The following HS2ST1 variants were observed in gnomAD, a reference collection of about 807,000 sequenced individuals.
HS2ST1 encodes 2-O-sulfotransferase.
In HS2ST1, 18 loss-of-function variants were observed where a neutral mutation model predicts 42.9. The observed-to-expected ratio is 0.42, with a 90% CI of 0.29 to 0.62. HS2ST1 has a LOEUF of 0.62. Ranked by LOEUF, HS2ST1 falls within the 20% of genes least tolerant of loss-of-function variation. HS2ST1 has a pLI of 0.21. For missense variants in HS2ST1, 334 were observed against 433.8 expected (o/e 0.77, Z 2.04); for synonymous variants, 146 against 152.9 (o/e 0.95, Z 0.33).
At chr1:87,062,471 CCTCA>C (rs1402124321) in intron 1 of HS2ST1, among the ~76,000 whole-genome samples, 4 of 152,046 alleles carry the variant, frequency 2.6e-5, no homozygotes, top group Admixed American at 2.6e-4. Context: ...TTTTATTCTC[CCTCA>C]CTTACAATGT....
chr1:87,066,879 T>C (rs1026148149), intron 1 of HS2ST1, among the ~76,000 whole-genome samples: 1 of 152,200 alleles, frequency 6.6e-6, no homozygotes, highest in Non-Finnish European at 1.5e-5. Context: ...GCTTTATCCA[T>C]GTCCCTGCAA....
intron 1 of HS2ST1, among the ~76,000 whole-genome samples, chr1:87,056,426 A>G (rs1489811435): frequency 6.6e-6 from 1 of 152,210 alleles, no homozygotes; most frequent in Non-Finnish European, 1.5e-5. Flanking sequence ...GATTAAGACA[A>G]GTTGCAAGCT....
intron 1 of HS2ST1, among the ~76,000 whole-genome samples, chr1:87,070,501 G>A (rs1328232356): frequency 6.6e-6 from 1 of 152,080 alleles, no homozygotes; most frequent in Non-Finnish European, 1.5e-5. Context: ...TGATGTGGGA[G>A]GATAACCTAA....
chr1:87,108,841 A>ATG lies in HS2ST1; in HGVS notation c.*4148_*4149dup, dbSNP rs1652395603. ...TGTAGCTTTCTATTGAGAGTCAGGT[A>ATG]TGTGAGCATCTCTGAAGCAGTGTTG... On this transcript the variant is annotated 3_prime_UTR_variant, in exon 7 of 7. Coordinates refer to ENST00000370550, the MANE Select transcript of HS2ST1 (RefSeq NM_012262.4). The ATG allele has an allele frequency of 6.6e-6, 1 of 152,538 alleles. No homozygotes were observed. The highest frequency in any genetic ancestry group is 2.1e-4 in the South Asian group (1 of 4,830). 9.4% of individuals were successfully genotyped at this position (152,538 alleles called of 1,614,324 possible).
chr1:86,986,381 A>G (rs1648786010), intron 1 of HS2ST1, among the ~76,000 whole-genome samples: 4 of 152,134 alleles, frequency 2.6e-5, no homozygotes, highest in Admixed American at 1.3e-4. Context: ...TTCTATCGAA[A>G]CGTGCTATTA....
chr1:87,044,991 C>G (rs1650611275), intron 1 of HS2ST1: 1 of 1,586,578 alleles, frequency 6.3e-7, no homozygotes, highest in African/African-American at 1.3e-5. Flanking sequence ...CCTCTTTGCA[C>G]TGAGATTCTC....
intron 1 of HS2ST1, among the ~76,000 whole-genome samples, chr1:87,024,585 T>C (rs549904656): frequency 4.7e-4 from 72 of 152,132 alleles, no homozygotes; most frequent in Non-Finnish European, 9.1e-4. Context: ...TATTGTGACC[T>C]TGAGCAAGAA....
chr1:86,936,087 T>TTC (rs201734961), intron 1 of HS2ST1, among the ~76,000 whole-genome samples: 1 of 152,108 alleles, frequency 6.6e-6, no homozygotes, highest in African/African-American at 2.4e-5. Context: ...TCTACTACAT[T>TTC]TCTCTCTGTC....
At chr1:87,100,945 C>T (rs1652181649) in intron 5 of HS2ST1, among the ~76,000 whole-genome samples, 1 of 152,080 alleles carries the variant, frequency 6.6e-6, no homozygotes. Flanking sequence ...CTTTCCTTCT[C>T]TACCACATGG....
At chr1:87,070,811 C>T (rs949823954) in intron 1 of HS2ST1, among the ~76,000 whole-genome samples, 2 of 152,038 alleles carry the variant, frequency 1.3e-5, no homozygotes, top group African/African-American at 4.8e-5. Flanking sequence ...TATGGATTAT[C>T]TTTTCCTACT....
intron 1 of HS2ST1, among the ~76,000 whole-genome samples, chr1:86,949,997 G>A (rs568712281): frequency 6.6e-6 from 1 of 152,220 alleles, no homozygotes; most frequent in East Asian, 1.9e-4. Flanking sequence ...AAATGTAGAA[G>A]GAATTATAGA....
intron 1 of HS2ST1, among the ~76,000 whole-genome samples, chr1:86,991,840 A>ATAC (rs1472730572): frequency 2.0e-5 from 3 of 152,192 alleles, no homozygotes; most frequent in Non-Finnish European, 2.9e-5. Context: ...ATAGAAGAGG[A>ATAC]TAAAGTATGT....
At chr1:87,036,043 A>G (rs753423223) in intron 1 of HS2ST1, among the ~76,000 whole-genome samples, 3 of 151,664 alleles carry the variant, frequency 2.0e-5, no homozygotes, top group Non-Finnish European at 4.4e-5. Context: ...TCATTGTTCA[A>G]CTCCCACTTA....
At chr1:87,085,743 C>A (rs1327476347) in intron 3 of HS2ST1, among the ~76,000 whole-genome samples, 1 of 152,122 alleles carries the variant, frequency 6.6e-6, no homozygotes, top group Non-Finnish European at 1.5e-5. Context: ...ATTCTTTCCA[C>A]ACACAGCTTG....
At chr1:86,921,588 G>A (rs1660301033) in intron 1 of HS2ST1, among the ~76,000 whole-genome samples, 1 of 152,056 alleles carries the variant, frequency 6.6e-6, no homozygotes, top group Admixed American at 6.5e-5. Context: ...AAGAGCTTGT[G>A]GCAGTGTGTT....
chr1:87,084,109 T>A lies in HS2ST1; in HGVS notation c.364-85T>A, dbSNP rs55832976. 4.6e-6 allele frequency: 4 copies of A among 875,408 alleles called. No individual in the cohort carries two copies. The Admixed American group carries it at 1.1e-4, about 23-fold the overall frequency. 54.2% of individuals were successfully genotyped at this position (875,408 alleles called of 1,614,324 possible). ...CTCTGTAAAAGTGGTTTTAGGTTTTTAAATTCCTATCTTGGAAATATTTTG... is the reference window on the plus strand; with the variant it reads ...CTCTGTAAAAGTGGTTTTAGGTTTTAAAATTCCTATCTTGGAAATATTTTG... On this transcript the variant is annotated intron_variant, in intron 2 of 6. Coordinates refer to ENST00000370550, the MANE Select transcript of HS2ST1 (RefSeq NM_012262.4).
Position 87,037,078 on chromosome 1 carries a change from G to T in HS2ST1, c.125-35856G>T, listed in dbSNP as rs115797207. ...CATAAATCAATTCATTTGTTTTGCT[G>T]ATTTATCACATTCATGGGTGCTGAC... On this transcript the variant is annotated intron_variant, in intron 1 of 6. Transcript: ENST00000370550. Among the ~76,000 whole-genome samples, 1,310 of 151,660 alleles carry T rather than the reference G, an allele frequency of 8.6e-3. 24 individuals carry two copies. The highest frequency in any genetic ancestry group is 0.03 in the African/African-American group (1,237 of 41,392).
intron 1 of HS2ST1, chr1:87,046,500 A>G (rs1650669998): frequency 7.7e-7 from 1 of 1,299,484 alleles, no homozygotes; most frequent in Non-Finnish European, 1.1e-6. Flanking sequence ...ACTGGATATA[A>G]TCCAGTTAAA....
chr1:86,970,145 GTATT>G (rs1414431854), intron 1 of HS2ST1, among the ~76,000 whole-genome samples: 2 of 151,202 alleles, frequency 1.3e-5, no homozygotes, highest in Non-Finnish European at 2.9e-5. Context: ...AAAAAAATGA[GTATT>G]TAGTTAAAGA....
Sources: allele counts gnomAD v4.1 joint callset (sites outside exome capture counted in the v4.1 genomes callset), GRCh38; gene constraint gnomAD v4.1.1; transcripts MANE v1.5; gene names NCBI Gene and HGNC (gene_info 2026-07-23, HGNC 2026-07-21).